The following UNC5D variants were observed in gnomAD, a reference collection of about 807,000 sequenced individuals.
UNC5D encodes the protein netrin receptor UNC5D.
UNC5D carries 39 observed loss-of-function variants against 105.4 expected under a neutral mutation model. That is an observed-to-expected ratio of 0.37 (90% confidence interval 0.29 to 0.48). The LOEUF (loss-of-function observed/expected upper bound fraction) is 0.48, where lower values mean the gene tolerates loss of function less well. Ranked by LOEUF, UNC5D falls within the 20% of genes least tolerant of loss-of-function variation. The pLI is 0.98. For missense variants in UNC5D, 991 were observed against 1,202.4 expected (o/e 0.82, Z 2.60); for synonymous variants, 452 against 450.4 (o/e 1.00, Z -0.04).
At chr8:35,466,554 A>G (rs1170396152) in intron 1 of UNC5D, among the ~76,000 whole-genome samples, 1 of 152,198 alleles carries the variant, frequency 6.6e-6, no homozygotes, top group Non-Finnish European at 1.5e-5. Flanking sequence ...AGAGTCCTAA[A>G]TGCCCACAAG....
At chr8:35,323,837 T>C (rs955201891) in intron 1 of UNC5D, among the ~76,000 whole-genome samples, 6 of 152,156 alleles carry the variant, frequency 3.9e-5, no homozygotes, top group Admixed American at 1.3e-4. Context: ...GTCATTGTCC[T>C]TGTTGGGCTT....
chr8:35,342,448 T>C (rs1401996715), intron 1 of UNC5D, among the ~76,000 whole-genome samples: 1 of 152,118 alleles, frequency 6.6e-6, no homozygotes, highest in Non-Finnish European at 1.5e-5. Flanking sequence ...AGGTAACTTG[T>C]TGGGAATCCA....
At chr8:35,787,022 G>A (rs1380438011) in intron 16 of UNC5D, among the ~76,000 whole-genome samples, 3 of 152,132 alleles carry the variant, frequency 2.0e-5, no homozygotes, top group East Asian at 1.9e-4. Context: ...ACACAGCCAC[G>A]CTCATTCACT....
At chr8:35,351,114 T>G (rs1812205262) in intron 1 of UNC5D, among the ~76,000 whole-genome samples, 1 of 152,036 alleles carries the variant, frequency 6.6e-6, no homozygotes, top group African/African-American at 2.4e-5. Flanking sequence ...CTTAAAACAG[T>G]AGCATAAATA....
intron 1 of UNC5D, among the ~76,000 whole-genome samples, chr8:35,416,164 A>G (rs1163387230): frequency 6.6e-6 from 1 of 152,076 alleles, no homozygotes; most frequent in African/African-American, 2.4e-5. Context: ...AAGTCTATAC[A>G]TCTATATACC....
intron 1 of UNC5D, among the ~76,000 whole-genome samples, chr8:35,296,777 T>C (rs1427768541): frequency 6.6e-6 from 1 of 152,186 alleles, no homozygotes; most frequent in Admixed American, 6.5e-5. Context: ...TTTGAATTTA[T>C]TTTAAAATAT....
chr8:35,733,960 G>C (rs12681866), intron 11 of UNC5D, among the ~76,000 whole-genome samples: 6,349 of 152,060 alleles, frequency 0.042, 366 homozygotes, highest in East Asian at 0.15. Context: ...AGAGGTTTGA[G>C]GGGTAGAGGG....
At chr8:35,670,705 T>C (rs148391278) in intron 4 of UNC5D, among the ~76,000 whole-genome samples, 98 of 151,960 alleles carry the variant, frequency 6.4e-4, no homozygotes, top group African/African-American at 2.2e-3. Flanking sequence ...CTGGGGCTTG[T>C]TGGGGGATGT....
intron 4 of UNC5D, among the ~76,000 whole-genome samples, chr8:35,600,582 C>A (rs1586219199): frequency 6.6e-6 from 1 of 152,274 alleles, no homozygotes; most frequent in Non-Finnish European, 1.5e-5. Flanking sequence ...TGTCTTTTGG[C>A]TGCATAAATG....
chr8:35,724,880 G>A (rs1040592873), intron 9 of UNC5D, among the ~76,000 whole-genome samples: 2 of 152,168 alleles, frequency 1.3e-5, no homozygotes, highest in Non-Finnish European at 2.9e-5. Flanking sequence ...GTGCAGACCT[G>A]CTAGAAAGCG....
rs531377003 is a variant in UNC5D, at chr8:35,379,180, C to T, written c.103+143293C>T. Among the ~76,000 whole-genome samples, 7 of 152,298 alleles carry T rather than the reference C, an allele frequency of 4.6e-5. 1 individual carries two copies. The highest frequency in any genetic ancestry group is 1.7e-4 in the African/African-American group (7 of 41,562). ...AATAAAAATCCTCTACTTCCACCTG[C>T]TCCTTTGACAGGAGATCACCAAAGC... is the stretch of plus-strand genomic sequence containing the variant. On this transcript the variant is annotated intron_variant, in intron 1 of 16. Transcript: ENST00000404895.
intron 1 of UNC5D, among the ~76,000 whole-genome samples, chr8:35,430,094 C>T (rs1293432121): frequency 1.3e-5 from 2 of 151,982 alleles, no homozygotes; most frequent in Non-Finnish European, 2.9e-5. Flanking sequence ...CTAAGTAGCT[C>T]CAGGATGGTG....
chr8:35,705,391 AAG>A lies in UNC5D; in HGVS notation c.1085-535_1085-534del, dbSNP rs1217760060. Among the ~76,000 whole-genome samples, 6 of 152,352 alleles carry A rather than the reference AAG, an allele frequency of 3.9e-5. No homozygotes were observed. The East Asian group carries it at 1.2e-3, about 29-fold the overall frequency. On this transcript the variant is annotated intron_variant, in intron 7 of 16. Coordinates refer to ENST00000404895, the MANE Select transcript of UNC5D (RefSeq NM_080872.4). ...GCAGATAATGGAGATGTGAAACAAAAAGAGTGGTTTCGTAAAAACAAAACTAA... is the reference window on the plus strand; with the variant it reads ...GCAGATAATGGAGATGTGAAACAAAAAGTGGTTTCGTAAAAACAAAACTAA...
At chr8:35,377,551 C>A (rs1802774960) in intron 1 of UNC5D, among the ~76,000 whole-genome samples, 1 of 152,196 alleles carries the variant, frequency 6.6e-6, no homozygotes, top group Non-Finnish European at 1.5e-5. Context: ...CAGCTTCCTG[C>A]TGAGCAGGCT....
intron 1 of UNC5D, among the ~76,000 whole-genome samples, chr8:35,323,604 T>G (rs1585583394): frequency 6.6e-6 from 1 of 152,182 alleles, no homozygotes; most frequent in African/African-American, 2.4e-5. Flanking sequence ...CAAAAACATA[T>G]GTCATTTATA....
At chr8:35,288,149 A>G (rs1170503443) in intron 1 of UNC5D, among the ~76,000 whole-genome samples, 1 of 152,168 alleles carries the variant, frequency 6.6e-6, no homozygotes, top group Non-Finnish European at 1.5e-5. Context: ...AGTTTACTAT[A>G]CACATAATAA....
rs540494654 is a variant in UNC5D at position 35,450,634 on chromosome 8, A to G, written c.104-98658A>G. 1.2e-4 allele frequency among the ~76,000 whole-genome samples: 18 copies of G among 152,250 alleles called. No individual in the cohort carries two copies. The South Asian group carries it at 3.5e-3, about 30-fold the overall frequency. On this transcript the variant is annotated intron_variant, in intron 1 of 16. Coordinates refer to ENST00000404895, the MANE Select transcript of UNC5D (RefSeq NM_080872.4). Reference sequence around the variant, plus strand: ...CAAACAAATGAAGATAAACTTAACTATTATTTCTGACGGTAATCTGCATTT... The same window carrying G: ...CAAACAAATGAAGATAAACTTAACTGTTATTTCTGACGGTAATCTGCATTT...
intron 1 of UNC5D, among the ~76,000 whole-genome samples, chr8:35,253,161 G>A (rs1489676153): frequency 6.6e-6 from 1 of 151,652 alleles, no homozygotes. Context: ...TATGTGATTG[G>A]AACTTCTTCT....
At chr8:35,722,441 C>G (rs1254305399) in intron 9 of UNC5D, 46 bp downstream of exon 9, 1 of 1,585,960 alleles carries the variant, frequency 6.3e-7, no homozygotes, top group Non-Finnish European at 8.6e-7. Context: ...GTGCCATAGA[C>G]TACGCTCACA....
Sources: allele counts gnomAD v4.1 joint callset (sites outside exome capture counted in the v4.1 genomes callset), GRCh38; gene constraint gnomAD v4.1.1; transcripts MANE v1.5; gene names NCBI Gene and HGNC (gene_info 2026-07-23, HGNC 2026-07-21).